The following TXNDC9 variants were observed in gnomAD, a reference collection of about 807,000 sequenced individuals.
TXNDC9 encodes the protein thioredoxin domain-containing protein 9.
A neutral mutation model predicts 23.0 loss-of-function variants in TXNDC9; 7 were observed. The ratio of observed to expected loss-of-function variants is 0.30; its 90% CI spans 0.17 to 0.57. The LOEUF (loss-of-function observed/expected upper bound fraction) is 0.57. TXNDC9 is among the 20% of genes least tolerant of loss of function. The pLI is 0.90. For synonymous variants in TXNDC9, 72 were observed against 90.6 expected (o/e 0.79, Z 1.17); for missense variants, 198 against 252.6 (o/e 0.78, Z 1.47).
intron 3 of TXNDC9, among the ~76,000 whole-genome samples, chr2:99,323,152 A>G (rs1372927873): frequency 1.3e-5 from 2 of 151,392 alleles, no homozygotes; most frequent in Non-Finnish European, 2.9e-5. Context: ...CACATCTGTA[A>G]TCTTGGCACT....
intron 3 of TXNDC9, among the ~76,000 whole-genome samples, chr2:99,324,893 G>A (rs1286386090): frequency 6.6e-6 from 1 of 152,182 alleles, no homozygotes; most frequent in Non-Finnish European, 1.5e-5. Flanking sequence ...CTACAGGCAC[G>A]AGCCACCATG....
intron 4 of TXNDC9, chr2:99,321,620 T>C (rs2094201853): frequency 5.5e-6 from 1 of 180,638 alleles, no homozygotes; most frequent in Admixed American, 6.1e-5. Context: ...TGGCTTAAAT[T>C]GGGGAATAGT....
the TXNDC9 span, among the ~76,000 whole-genome samples, chr2:99,310,758 CTT>C: frequency 6.6e-6 from 1 of 152,062 alleles, no homozygotes; most frequent in Non-Finnish European, 1.5e-5. Context: ...GCTAGGGACT[CTT>C]GTCTCTAAAA....
At chr2:99,306,867 T>C in the TXNDC9 span, 2 of 429,392 alleles carry the variant, frequency 4.7e-6, no homozygotes, top group South Asian at 3.3e-5. Flanking sequence ...CATGCTACAA[T>C]GTCAGAGGCA....
intron 1 of TXNDC9, among the ~76,000 whole-genome samples, chr2:99,335,608 C>A (rs2094237224): frequency 6.6e-6 from 1 of 152,144 alleles, no homozygotes; most frequent in Non-Finnish European, 1.5e-5. Flanking sequence ...AGGACTGTGA[C>A]CCTCAGTGAG....
At chr2:99,326,754 T>C (rs185526464) in intron 3 of TXNDC9, among the ~76,000 whole-genome samples, 162 of 152,338 alleles carry the variant, frequency 1.1e-3, no homozygotes, top group Non-Finnish European at 1.7e-3. Flanking sequence ...AACTCTGCTC[T>C]GGTGAAAGGT....
At chr2:99,314,895 ATTTTTTT>A (rs56288449), downstream of TXNDC9, among the ~76,000 whole-genome samples, 3 of 106,890 alleles carry the variant, frequency 2.8e-5, no homozygotes, top group African/African-American at 7.3e-5. Flanking sequence ...TCCTTTACTC[ATTTTTTT>A]TTTTTTTTTT....
the TXNDC9 span, among the ~76,000 whole-genome samples, chr2:99,312,320 AC>A: frequency 2.0e-5 from 3 of 151,858 alleles, no homozygotes; most frequent in African/African-American, 7.3e-5. Context: ...ATATGGTGAA[AC>A]CCCGTCCCTA....
intron 1 of TXNDC9, among the ~76,000 whole-genome samples, chr2:99,335,512 C>G (rs2094236692): frequency 6.6e-6 from 1 of 151,952 alleles, no homozygotes; most frequent in African/African-American, 2.4e-5. Flanking sequence ...GTAAGCTCCT[C>G]GTGAGTGCTA....
chr2:99,308,230 A>C, the TXNDC9 span, among the ~76,000 whole-genome samples: 21 of 152,230 alleles, frequency 1.4e-4, no homozygotes, highest in East Asian at 4.1e-3. Context: ...CAGTGTCTCT[A>C]TGCAGGGAAG....
intron 1 of TXNDC9, among the ~76,000 whole-genome samples, chr2:99,333,734 T>C (rs2094231448): frequency 6.6e-6 from 1 of 152,212 alleles, no homozygotes; most frequent in African/African-American, 2.4e-5. Context: ...TTTTCATGGC[T>C]GCTGCCCAAA....
At chr2:99,330,628 TC>T (rs2094222540) in intron 2 of TXNDC9, among the ~76,000 whole-genome samples, 1 of 152,184 alleles carries the variant, frequency 6.6e-6, no homozygotes, top group South Asian at 2.1e-4. Flanking sequence ...TCTTACCTTA[TC>T]CCTCTATTCT....
chr2:99,314,529 C>CTTTTTTTTTTTTT (rs55729391), downstream of TXNDC9, among the ~76,000 whole-genome samples: 12 of 97,420 alleles, frequency 1.2e-4, 1 homozygote, highest in Non-Finnish European at 1.3e-4. Context: ...AATACTACAC[C>CTTTTTTTTTTTTT]TTTTTTTTTT....
chr2:99,326,839 C>A (rs985414256), intron 3 of TXNDC9, among the ~76,000 whole-genome samples: 4 of 152,210 alleles, frequency 2.6e-5, no homozygotes, highest in African/African-American at 9.6e-5. Context: ...TGACTCTCAA[C>A]AGCTGTTGCC....
At chr2:99,331,825 G>T (rs564297366) in intron 2 of TXNDC9, among the ~76,000 whole-genome samples, 1 of 152,248 alleles carries the variant, frequency 6.6e-6, no homozygotes, top group East Asian at 1.9e-4. Flanking sequence ...CACCTCCCGG[G>T]TTCAAGAGAT....
chr2:99,314,529 C>CTTTTTTT (rs55729391), downstream of TXNDC9, among the ~76,000 whole-genome samples: 10,621 of 97,182 alleles, frequency 0.11, 1,551 homozygotes, highest in East Asian at 0.17. Flanking sequence ...AATACTACAC[C>CTTTTTTT]TTTTTTTTTT....
chr2:99,328,119 G>T (rs1326600495), intron 2 of TXNDC9, among the ~76,000 whole-genome samples: 1 of 151,664 alleles, frequency 6.6e-6, no homozygotes, highest in Non-Finnish European at 1.5e-5. Context: ...TTTGAGAATG[G>T]GTCTTGCTAA....
At chr2:99,336,131 C>T (rs1302614373) in intron 1 of TXNDC9, 108 bp downstream of exon 1, 2 of 929,674 alleles carry the variant, frequency 2.2e-6, no homozygotes, top group East Asian at 1.2e-4. Flanking sequence ...AGGACACCGA[C>T]ACCGGTGCTG....
intron 2 of TXNDC9, among the ~76,000 whole-genome samples, chr2:99,328,964 G>A (rs893262729): frequency 3.9e-5 from 6 of 152,184 alleles, no homozygotes; most frequent in African/African-American, 1.4e-4. Context: ...CTGGGCAACA[G>A]AGTGAGACTC....
Sources: gnomAD v4.1 joint callset for allele counts (sites outside exome capture counted in the v4.1 genomes callset) on GRCh38, gnomAD v4.1.1 for gene constraint, MANE v1.5 for transcripts, NCBI Gene and HGNC (gene_info 2026-07-23, HGNC 2026-07-21) for gene names.